FNDC3A: variants seen among roughly 807,000 people sequenced by gnomAD.
The protein encoded by FNDC3A is fibronectin type III domain containing 3A.
FNDC3A carries 32 observed loss-of-function variants against 148.9 expected under a neutral mutation model. The ratio of observed to expected loss-of-function variants is 0.21; its 90% confidence interval spans 0.16 to 0.29. The LOEUF is 0.29. Ranked by LOEUF, FNDC3A falls within the 10% of genes least tolerant of loss-of-function variation. FNDC3A has a pLI of 1.00. For missense variants in FNDC3A, 1,191 were observed against 1,452.8 expected, an observed-to-expected ratio of 0.82 and a Z score of 2.93; for synonymous variants, 472 against 473.6, an observed-to-expected ratio of 1.00 and a Z score of 0.04.
chr13:49,015,211 C>T (rs1055033675), intron 2 of FNDC3A, among the ~76,000 whole-genome samples: 8 of 152,236 alleles, frequency 5.3e-5, no homozygotes, highest in African/African-American at 1.9e-4. Context: ...TTTCACGATA[C>T]TGATTCTTCC....
At chr13:49,138,619 C>G in intron 6 of FNDC3A, 128 bp from the exon 7 acceptor site, 1 of 534,002 alleles carries the variant, frequency 1.9e-6, no homozygotes. Context: ...TGAGTATGAA[C>G]AAAGGAATAA....
chr13:49,131,752 G>A (rs1381156044), intron 5 of FNDC3A, among the ~76,000 whole-genome samples: 2 of 152,154 alleles, frequency 1.3e-5, no homozygotes, highest in African/African-American at 2.4e-5. Context: ...CTCTGTGAGG[G>A]ATTGAAAAAA....
chr13:49,061,347 CCCTTCCCTTA>C (rs753231717), intron 2 of FNDC3A, among the ~76,000 whole-genome samples: 593 of 4,060 alleles, frequency 0.15, 167 homozygotes, highest in African/African-American at 0.18. Context: ...CCCTTCCCTT[CCCTTCCCTTA>C]CCTTCCCTTC....
chr13:49,107,667 T>A (rs947757552), intron 3 of FNDC3A, among the ~76,000 whole-genome samples: 2 of 152,210 alleles, frequency 1.3e-5, no homozygotes, highest in African/African-American at 4.8e-5. Context: ...TCATGTCAAA[T>A]AATGTGAAGA....
chr13:49,133,702 A>G (rs546564404), intron 5 of FNDC3A, among the ~76,000 whole-genome samples: 1 of 152,232 alleles, frequency 6.6e-6, no homozygotes, highest in Non-Finnish European at 1.5e-5. Flanking sequence ...ATGCTCACAC[A>G]TGTATTATCT....
intron 4 of FNDC3A, among the ~76,000 whole-genome samples, chr13:49,129,927 C>T (rs1408890839): frequency 1.3e-5 from 2 of 152,120 alleles, no homozygotes; most frequent in Non-Finnish European, 2.9e-5. Flanking sequence ...TATCCTTAAG[C>T]ATAATAAACC....
At position 49,198,579 on chromosome 13, in the gene FNDC3A, G is replaced by T. The variant is rs1452948316; in HGVS notation, c.2987+5G>T. The T allele has an allele frequency of 1.2e-6, 2 of 1,604,716 alleles. No homozygotes were observed. The highest frequency in any genetic ancestry group is 2.7e-5 in the African/African-American group (2 of 74,636). ...GATGGAGGATAAGAATGGACGGTAG[G>T]TTTTTTTAATTGCTTCTTTATATAG... is the stretch of plus-strand genomic sequence containing the variant. On this transcript the variant is annotated splice_donor_5th_base_variant and intron_variant, in intron 23 of 25. Coordinates refer to ENST00000492622, the MANE Select transcript of FNDC3A (RefSeq NM_001079673.2).
intron 13 of FNDC3A, among the ~76,000 whole-genome samples, chr13:49,176,692 T>C (rs1370593410): frequency 1.3e-5 from 2 of 152,228 alleles, no homozygotes; most frequent in South Asian, 4.1e-4. Context: ...ACAATAAATA[T>C]TGCCACTCCT....
rs1344793573 is a variant in FNDC3A, at chr13:49,026,614, C to T, written c.99+20325C>T. 2.6e-5 allele frequency among the ~76,000 whole-genome samples: 4 copies of T among 152,220 alleles called. No homozygotes were observed. In the East Asian group the frequency reaches 7.7e-4, roughly 29 times the overall value. ...AGTCTCCTGGGCTTAAGTGATCCTC[C>T]TGCCTCAGCCTCCTGAGTAGCTAGA... On this transcript the variant is annotated intron_variant, in intron 2 of 25. Coordinates refer to ENST00000492622, the MANE Select transcript of FNDC3A (RefSeq NM_001079673.2).
intron 3 of FNDC3A, among the ~76,000 whole-genome samples, chr13:49,113,433 C>T (rs1880714404): frequency 6.6e-6 from 1 of 152,024 alleles, no homozygotes; most frequent in Non-Finnish European, 1.5e-5. Context: ...TGTCCTCACC[C>T]CTTGCCTTCC....
chr13:49,010,598 G>A (rs1371839976), intron 2 of FNDC3A, among the ~76,000 whole-genome samples: 1 of 152,146 alleles, frequency 6.6e-6, no homozygotes, highest in Non-Finnish European at 1.5e-5. Context: ...TTTAAATCAT[G>A]AAGTATAACA....
intron 3 of FNDC3A, among the ~76,000 whole-genome samples, chr13:49,093,538 T>G (rs1879325906): frequency 6.6e-6 from 1 of 152,134 alleles, no homozygotes; most frequent in South Asian, 2.1e-4. Context: ...ACGAAGAAAT[T>G]GAGACACAGG....
chr13:49,139,271 A>G (rs79985623), intron 7 of FNDC3A, among the ~76,000 whole-genome samples: 2,842 of 152,272 alleles, frequency 0.019, 91 homozygotes, highest in African/African-American at 0.063. Context: ...ACAGAGGGAA[A>G]GAACCATTAT....
At chr13:49,039,818 G>A (rs980238385) in intron 2 of FNDC3A, among the ~76,000 whole-genome samples, 2 of 152,054 alleles carry the variant, frequency 1.3e-5, no homozygotes, top group Non-Finnish European at 2.9e-5. Flanking sequence ...GGATTCAAGC[G>A]ATCCTCCTGC....
At chr13:49,060,757 G>C (rs1162318960) in intron 2 of FNDC3A, among the ~76,000 whole-genome samples, 5 of 150,782 alleles carry the variant, frequency 3.3e-5, no homozygotes, top group Admixed American at 3.3e-4. Context: ...ACTATTGTAT[G>C]ATTTTGTTTA....
intron 2 of FNDC3A, among the ~76,000 whole-genome samples, chr13:49,064,510 A>G (rs1459113510): frequency 6.6e-6 from 1 of 151,002 alleles, no homozygotes; most frequent in Non-Finnish European, 1.5e-5. Context: ...TACCTATCAC[A>G]AGGAAAGAGA....
intron 3 of FNDC3A, among the ~76,000 whole-genome samples, chr13:49,090,744 G>T (rs1247432466): frequency 6.6e-6 from 1 of 152,208 alleles, no homozygotes; most frequent in Non-Finnish European, 1.5e-5. Context: ...GCTCATGCCT[G>T]TAATCACGAC....
At chr13:49,078,750 G>C (rs576636367) in intron 3 of FNDC3A, among the ~76,000 whole-genome samples, 3 of 152,170 alleles carry the variant, frequency 2.0e-5, no homozygotes, top group Non-Finnish European at 2.9e-5. Flanking sequence ...AAGCCCCTTC[G>C]TGGACTAGCT....
intron 3 of FNDC3A, among the ~76,000 whole-genome samples, chr13:49,098,648 G>T (rs1482996133): frequency 6.6e-6 from 1 of 151,990 alleles, no homozygotes; most frequent in East Asian, 1.9e-4. Context: ...AGTGCTAAAG[G>T]TAGATTCTAA....
Sources: allele counts gnomAD v4.1 joint callset (sites outside exome capture counted in the v4.1 genomes callset), GRCh38; gene constraint gnomAD v4.1.1; transcripts MANE v1.5; gene names NCBI Gene and HGNC (gene_info 2026-07-23, HGNC 2026-07-21).